Variants in MGAT1 observed in about 807,000 individuals in gnomAD.
MGAT1 encodes N-glycosyl-oligosaccharide-glycoprotein N-acetylglucosaminyltransferase I.
A neutral mutation model predicts 31.7 loss-of-function variants in MGAT1; 14 were observed. The ratio of observed to expected loss-of-function variants is 0.44; its 90% CI spans 0.29 to 0.69. The LOEUF (loss-of-function observed/expected upper bound fraction) is 0.69. Among genes scored for constraint, MGAT1 ranks in the 30% least tolerant of loss-of-function variants. The pLI is 0.12. For missense variants in MGAT1, 557 were observed against 626.0 expected (o/e 0.89, Z 1.18); for synonymous variants, 338 against 276.0 (o/e 1.22, Z -2.23).
intron 1 of MGAT1, among the ~76,000 whole-genome samples, chr5:180,798,332 G>A (rs772834524): frequency 2.0e-5 from 3 of 152,172 alleles, no homozygotes; most frequent in Non-Finnish European, 4.4e-5. Context: ...ATGTGCCCAT[G>A]TGCCAGCTCT....
rs377172940 is a variant in MGAT1 at position 180,792,369 on chromosome 5, G to C, written c.603C>G (p.Arg201=). The change falls in exon 2 of 2, where the codon CGC becomes CGG. Residue 201 remains arginine, a synonymous_variant. Coordinates refer to ENST00000307826, the MANE Select transcript of MGAT1 (RefSeq NM_002406.4). ...CCTCCACCACCACGGCCGCGGGGAAGCGAAACTGCCGGAAGACCTGGCCCA... is the reference window on the plus strand; with the variant it reads ...CCTCCACCACCACGGCCGCGGGGAACCGAAACTGCCGGAAGACCTGGCCCA... ...WALGQVFRQF[R]FPAAVVVEDD... 1.9e-6 allele frequency: 3 copies of C among 1,611,158 alleles called. No individual in the cohort carries two copies. Among genetic ancestry groups the C allele is most frequent in the Non-Finnish European group, 2.5e-6 (3 of 1,178,248 alleles).
chr5:180,800,358 G>A (rs1486934126), intron 1 of MGAT1, among the ~76,000 whole-genome samples: 1 of 152,248 alleles, frequency 6.6e-6, no homozygotes, highest in Non-Finnish European at 1.5e-5. Flanking sequence ...CTATTGGTCA[G>A]AAATGTGGAC....
chr5:180,794,472 T>C (rs1768931032), intron 1 of MGAT1, among the ~76,000 whole-genome samples: 1 of 151,416 alleles, frequency 6.6e-6, no homozygotes, highest in Non-Finnish European at 1.5e-5. Context: ...GTGGTACTGG[T>C]ACATAAATAA....
intron 1 of MGAT1, among the ~76,000 whole-genome samples, chr5:180,799,116 T>G (rs1277691421): frequency 1.3e-5 from 2 of 152,178 alleles, no homozygotes; most frequent in East Asian, 1.9e-4. Flanking sequence ...CAAGTACACC[T>G]GGTCACGACA....
intron 1 of MGAT1, chr5:180,809,372 A>G (rs1772285979): frequency 6.6e-6 from 1 of 152,192 alleles, no homozygotes; most frequent in Non-Finnish European, 1.5e-5. Context: ...ACCCGTTCTC[A>G]CCACAGAAAA....
At chr5:180,801,586 G>A (rs925133874) in intron 1 of MGAT1, among the ~76,000 whole-genome samples, 12 of 152,214 alleles carry the variant, frequency 7.9e-5, no homozygotes, top group Admixed American at 7.9e-4. Flanking sequence ...TATTCATCCT[G>A]GAAAAGAAGA....
At chr5:180,796,823 GCTGGTGTTGAACTC>G (rs1769494599) in intron 1 of MGAT1, among the ~76,000 whole-genome samples, 2 of 152,026 alleles carry the variant, frequency 1.3e-5, no homozygotes, top group Non-Finnish European at 2.9e-5. Flanking sequence ...TGTTGGCCAG[GCTGGTGTTGAACTC>G]CTGACCTCAA....
chr5:180,798,456 C>T (rs75140777), intron 1 of MGAT1, among the ~76,000 whole-genome samples: 7,968 of 152,174 alleles, frequency 0.052, 353 homozygotes, highest in African/African-American at 0.12. Flanking sequence ...CAGCAACAAG[C>T]GCAACCACTT....
rs142850884 is a variant in MGAT1 at position 180,800,224 on chromosome 5, T to C, written c.-127+2456A>G. On this transcript the variant is annotated intron_variant, in intron 1 of 1. Transcript: ENST00000307826. ...CCTGCCCTCTGTGCTCAGCTCCAAGTCCAAACACTGAGGCCCTGTCTCCAC... is the reference window on the plus strand; with the variant it reads ...CCTGCCCTCTGTGCTCAGCTCCAAGCCCAAACACTGAGGCCCTGTCTCCAC... 2.8e-3 allele frequency among the ~76,000 whole-genome samples: 419 copies of C among 152,302 alleles called. 2 individuals are homozygous for C. Among genetic ancestry groups the C allele is most frequent in the African/African-American group, 6.8e-3 (283 of 41,556 alleles).
chr5:180,787,502 T>C lies in MGAT1; in HGVS notation c.*4132A>G, dbSNP rs913167378. ...CCAGACAAATATGTACATAACACTATGGGTTTTGGTGGTAAATGTTTTATC... is the reference window on the plus strand; with the variant it reads ...CCAGACAAATATGTACATAACACTACGGGTTTTGGTGGTAAATGTTTTATC... On this transcript the variant is annotated 3_prime_UTR_variant, in exon 2 of 2. Transcript: ENST00000307826. 6 of 152,266 alleles carry C rather than the reference T, an allele frequency of 3.9e-5. No individual in the cohort carries two copies. Among genetic ancestry groups the C allele is most frequent in the Non-Finnish European group, 7.3e-5 (5 of 68,048 alleles). The allele number at this position is 152,266 out of a possible 1,614,324, so 9.4% of individuals were successfully genotyped here.
upstream of MGAT1, among the ~76,000 whole-genome samples, chr5:180,807,350 T>C (rs2113559509): frequency 6.6e-6 from 1 of 152,284 alleles, no homozygotes; most frequent in Non-Finnish European, 1.5e-5. Flanking sequence ...CTGCTGTGTG[T>C]TGTCCCTGGG....
chr5:180,807,389 T>C (rs1032162430), upstream of MGAT1, among the ~76,000 whole-genome samples: 1 of 152,046 alleles, frequency 6.6e-6, no homozygotes. Flanking sequence ...ACAGGTAAAT[T>C]GGAATTGAAG....
chr5:180,811,842 C>G (rs1331939176), intron 1 of MGAT1, among the ~76,000 whole-genome samples: 1 of 152,234 alleles, frequency 6.6e-6, no homozygotes, highest in South Asian at 2.1e-4. Flanking sequence ...TCTCCCCTTC[C>G]TCTGTTAGCT....
intron 1 of MGAT1, among the ~76,000 whole-genome samples, chr5:180,813,281 TGTTTTAA>T (rs1772684948): frequency 6.6e-6 from 1 of 152,228 alleles, no homozygotes; most frequent in African/African-American, 2.4e-5. Context: ...TTTGCATTGT[TGTTTTAA>T]GTTTTATTCC....
At chr5:180,809,820 C>G (rs1288869658) in intron 1 of MGAT1, 1 of 139,356 alleles carries the variant, frequency 7.2e-6, no homozygotes, top group East Asian at 2.2e-4. Context: ...CAACACACAT[C>G]CATCCACACA....
At chr5:180,798,825 T>A (rs974396514) in intron 1 of MGAT1, among the ~76,000 whole-genome samples, 1 of 151,558 alleles carries the variant, frequency 6.6e-6, no homozygotes, top group African/African-American at 2.4e-5. Flanking sequence ...CACTACAGAG[T>A]AAATTCACCA....
At position 180,791,706 on chromosome 5, in the gene MGAT1, G is replaced by C. The variant is rs752587018; in HGVS notation, c.1266C>G (p.Phe422Leu). The C allele has an allele frequency of 5.6e-6, 9 of 1,613,986 alleles. No homozygotes were observed. Among genetic ancestry groups the C allele is most frequent in the Non-Finnish European group, 7.6e-6 (9 of 1,180,024 alleles). Residue 422 changes from phenylalanine (F) to leucine (L), a missense_variant, in exon 2 of 2, where the codon TTC becomes TTG. Around this residue, in one of 3 missense-constraint regions of MGAT1, gnomAD observed 145 missense variants for 143.2 expected, o/e 1.01. Coordinates refer to ENST00000307826, the MANE Select transcript of MGAT1 (RefSeq NM_002406.4). ...PRAGYRGIVTFQFRGRRVHLA... is the reference protein window; with the variant it reads ...PRAGYRGIVTLQFRGRRVHLA... ...GGTGGACACGGCGGCCCCGGAACTG[G>C]AAGGTGACAATACCCCGGTAGCCAG...
intron 1 of MGAT1, among the ~76,000 whole-genome samples, chr5:180,800,297 C>T (rs954220965): frequency 3.9e-5 from 6 of 152,178 alleles, no homozygotes; most frequent in African/African-American, 1.4e-4. Context: ...AATAAATTAC[C>T]TCGATATTTA....
chr5:180,801,371 A>C (rs1045769926), intron 1 of MGAT1, among the ~76,000 whole-genome samples: 1 of 152,228 alleles, frequency 6.6e-6, no homozygotes, highest in Non-Finnish European at 1.5e-5. Flanking sequence ...CACTACGTAA[A>C]AATTCCAGAA....
Sources: allele counts gnomAD v4.1 joint callset (sites outside exome capture counted in the v4.1 genomes callset), GRCh38; gene constraint gnomAD v4.1.1; regional missense constraint gnomAD v4.1.1; transcripts MANE v1.5; gene names NCBI Gene and HGNC (gene_info 2026-07-23, HGNC 2026-07-21).